The following ZNF831 variants were observed in gnomAD, a reference collection of about 807,000 sequenced individuals.
ZNF831 encodes zinc finger protein 831.
A neutral mutation model predicts 95.8 loss-of-function variants in ZNF831; 59 were observed. The ratio of observed to expected loss-of-function variants is 0.62; its 90% CI spans 0.50 to 0.77. The LOEUF is 0.77. Among genes scored for constraint, ZNF831 ranks in the 30% least tolerant of loss-of-function variants. The probability of loss-of-function intolerance (pLI) is 0.00; values close to 1 mark genes in which losing one functional copy is unlikely to be tolerated. For synonymous variants in ZNF831, 961 were observed against 925.5 expected, an observed-to-expected ratio of 1.04 and a Z score of -0.70; for missense variants, 2,205 against 2,164.0, an observed-to-expected ratio of 1.02 and a Z score of -0.38.
chr20:59,209,012 A>T (rs906468463), intron 4 of ZNF831, among the ~76,000 whole-genome samples: 2 of 152,076 alleles, frequency 1.3e-5, no homozygotes, highest in South Asian at 2.1e-4. Flanking sequence ...CAGGGAGGGG[A>T]ACTAAGGTGA....
At chr20:59,153,186 C>T (rs1169389560) in intron 2 of ZNF831, among the ~76,000 whole-genome samples, 5 of 152,218 alleles carry the variant, frequency 3.3e-5, no homozygotes, top group Non-Finnish European at 7.3e-5. Context: ...GCTCAGCACC[C>T]ACCTGATTTT....
intron 2 of ZNF831, chr20:59,147,015 C>T (rs1244409806): frequency 2.0e-5 from 3 of 152,280 alleles, no homozygotes; most frequent in South Asian, 4.2e-4. Flanking sequence ...GGAGTAATCT[C>T]CTTGCTTATC....
chr20:59,127,638 T>A (rs1320511906), intron 1 of ZNF831, among the ~76,000 whole-genome samples: 1 of 152,244 alleles, frequency 6.6e-6, no homozygotes, highest in Non-Finnish European at 1.5e-5. Flanking sequence ...TCTCCTACTT[T>A]ATTTTCCAGC....
At chr20:59,244,626 A>T (rs1203304958) in intron 4 of ZNF831, among the ~76,000 whole-genome samples, 1 of 152,226 alleles carries the variant, frequency 6.6e-6, no homozygotes, top group Non-Finnish European at 1.5e-5. Flanking sequence ...CCCTGAGGCC[A>T]TCAGAGTTAG....
chr20:59,138,257 G>A (rs114985655), intron 1 of ZNF831, among the ~76,000 whole-genome samples: 59 of 152,154 alleles, frequency 3.9e-4, no homozygotes, highest in Non-Finnish European at 7.3e-4. Flanking sequence ...CTGTCTGCAG[G>A]CGTTTGAGGT....
At chr20:59,175,520 T>C (rs905552493) in intron 1 of ZNF831, among the ~76,000 whole-genome samples, 5 of 152,154 alleles carry the variant, frequency 3.3e-5, no homozygotes, top group Non-Finnish European at 7.4e-5. Flanking sequence ...TTTTCTGTCC[T>C]GTCCATTTTG....
chr20:59,157,635 C>A (rs1980611496), intron 2 of ZNF831, among the ~76,000 whole-genome samples: 1 of 152,222 alleles, frequency 6.6e-6, no homozygotes, highest in Non-Finnish European at 1.5e-5. Flanking sequence ...GAACAGTCAT[C>A]ATTTGGTTTC....
At chr20:59,223,856 A>G (rs995687395) in intron 4 of ZNF831, among the ~76,000 whole-genome samples, 1 of 152,304 alleles carries the variant, frequency 6.6e-6, no homozygotes, top group African/African-American at 2.4e-5. Flanking sequence ...ACTTGCACAC[A>G]TACCCCATCT....
chr20:59,174,319 G>A (rs1026718533), intron 1 of ZNF831, among the ~76,000 whole-genome samples: 14 of 152,240 alleles, frequency 9.2e-5, no homozygotes, highest in African/African-American at 1.9e-4. Context: ...TGCAGCCTGC[G>A]GTTCAGGCTG....
At chr20:59,156,391 T>C (rs541185953) in intron 2 of ZNF831, among the ~76,000 whole-genome samples, 1 of 152,008 alleles carries the variant, frequency 6.6e-6, no homozygotes, top group East Asian at 1.9e-4. Context: ...CCAGGCTTGG[T>C]GGTGGGAGCC....
chr20:59,153,303 G>C (rs1457828273), intron 2 of ZNF831, among the ~76,000 whole-genome samples: 1 of 152,236 alleles, frequency 6.6e-6, no homozygotes. Context: ...GAGAGAACAG[G>C]AAGGAGTCAA....
At chr20:59,216,479 G>T (rs148385176) in intron 4 of ZNF831, among the ~76,000 whole-genome samples, 1 of 152,178 alleles carries the variant, frequency 6.6e-6, no homozygotes, top group Non-Finnish European at 1.5e-5. Context: ...GTGCAGTGGC[G>T]TGATCTCGGC....
chr20:59,254,905 C>T lies in ZNF831; in HGVS notation c.*162C>T. The T allele has an allele frequency of 1.1e-6, 1 of 937,098 alleles. No homozygotes were observed. The highest frequency in any genetic ancestry group is 1.6e-6 in the Non-Finnish European group (1 of 640,236). 58.0% of individuals were successfully genotyped at this position (937,098 alleles called of 1,614,324 possible). On this transcript the variant is annotated 3_prime_UTR_variant, in exon 6 of 6. Transcript: ENST00000371030. The surrounding 1 kb of genome is among the most constrained non-coding windows in gnomAD (Gnocchi z 4.5). ...AGCCAACTCCAACCAACTTCTGACC[C>T]CCAACTCAGCCGCAGCGTTCCCCAG... is the stretch of plus-strand genomic sequence containing the variant.
intron 2 of ZNF831, among the ~76,000 whole-genome samples, chr20:59,154,196 T>C (rs1568728561): frequency 6.6e-6 from 1 of 152,204 alleles, no homozygotes; most frequent in Admixed American, 6.5e-5. Context: ...AGATCACTTC[T>C]TGCAGTGGGT....
chr20:59,253,861 C>CCA, intron 5 of ZNF831, 37 bp from the exon 6 acceptor site: 2 of 1,066,174 alleles, frequency 1.9e-6, no homozygotes, highest in Non-Finnish European at 2.5e-6. Context: ...AATTAACCTC[C>CCA]CCCCCCACTT....
Position 59,124,126 on chromosome 20 carries a change from C to T in ZNF831, c.-1425+621C>T, listed in dbSNP as rs1306437212. On this transcript the variant is annotated intron_variant, in intron 1 of 7. Coordinates refer to the ZNF831 transcript ENST00000637017. ...TGTGTTGGTGGCAATGTCAGGTGAT[C>T]CTCCAGCAGCTCAGGAAAAATAAAC... Among the ~76,000 whole-genome samples the T allele has an allele frequency of 2.0e-5, 3 of 152,124 alleles. No individual in the cohort carries two copies. In the East Asian group the frequency reaches 5.8e-4, roughly 29 times the overall value.
intron 4 of ZNF831, among the ~76,000 whole-genome samples, chr20:59,250,902 C>T (rs1987853752): frequency 6.6e-6 from 1 of 151,828 alleles, no homozygotes; most frequent in Admixed American, 6.6e-5. Context: ...GATCCAATAA[C>T]CCAATAAGGG....
intron 3 of ZNF831, among the ~76,000 whole-genome samples, chr20:59,196,921 C>T (rs1417354904): frequency 1.3e-5 from 2 of 151,590 alleles, no homozygotes; most frequent in Non-Finnish European, 2.9e-5. Context: ...GGATTACAGG[C>T]ATGGGCCACC....
At chr20:59,198,932 C>T (rs1271075809) in intron 3 of ZNF831, among the ~76,000 whole-genome samples, 16 of 152,120 alleles carry the variant, frequency 1.1e-4, no homozygotes, top group Admixed American at 1.0e-3. Context: ...ACCATGAGGG[C>T]ATGGATATCT....
Sources: gnomAD v4.1 joint callset for allele counts (sites outside exome capture counted in the v4.1 genomes callset) on GRCh38, gnomAD v4.1.1 for gene constraint, Gnocchi (gnomAD v3.1) non-coding constraint, MANE v1.5 for transcripts, NCBI Gene and HGNC (gene_info 2026-07-23, HGNC 2026-07-21) for gene names.